PIWIL2: variants seen among roughly 807,000 people sequenced by gnomAD.
The protein encoded by PIWIL2 is piwi-like protein 2.
In PIWIL2, 81 loss-of-function variants were observed where a neutral mutation model predicts 116.5. That is an observed-to-expected ratio of 0.70 (90% CI 0.58 to 0.84). The LOEUF is 0.84. Among genes scored for constraint, PIWIL2 ranks in the 40% least tolerant of loss-of-function variants. PIWIL2 has a pLI of 0.00. For synonymous variants in PIWIL2, 489 were observed against 429.5 expected (o/e 1.14, Z -1.71); for missense variants, 1,272 against 1,212.3 (o/e 1.05, Z -0.73).
At chr8:22,330,645 C>T (rs1313138682) in intron 20 of PIWIL2, among the ~76,000 whole-genome samples, 2 of 150,508 alleles carry the variant, frequency 1.3e-5, no homozygotes, top group Non-Finnish European at 3.0e-5. Flanking sequence ...TGCAGTGAGC[C>T]GAGATCATGC....
At chr8:22,300,161 GC>G (rs911724696) in intron 10 of PIWIL2, among the ~76,000 whole-genome samples, 60 of 151,926 alleles carry the variant, frequency 3.9e-4, no homozygotes, top group Non-Finnish European at 7.4e-4. Flanking sequence ...GAACTCCTGG[GC>G]CCAAGCAGTT....
chr8:22,348,643 T>A (rs1832282369), intron 20 of PIWIL2, among the ~76,000 whole-genome samples: 1 of 152,148 alleles, frequency 6.6e-6, no homozygotes, highest in African/African-American at 2.4e-5. Context: ...TGATGGCACA[T>A]CCCTGTAGTC....
At chr8:22,280,433 A>G (rs996942180) in intron 2 of PIWIL2, among the ~76,000 whole-genome samples, 10 of 152,232 alleles carry the variant, frequency 6.6e-5, no homozygotes, top group Admixed American at 2.0e-4. Flanking sequence ...TAATTAATAT[A>G]TCAAAGAGAG....
chr8:22,308,146 T>C (rs888146826), intron 14 of PIWIL2, 73 bp downstream of exon 14: 4 of 1,280,802 alleles, frequency 3.1e-6, no homozygotes, highest in South Asian at 3.2e-5. Flanking sequence ...ACTTTCCTTT[T>C]GTTGTCAGTA....
chr8:22,312,409 C>T (rs1278667926), intron 16 of PIWIL2, among the ~76,000 whole-genome samples: 4 of 151,984 alleles, frequency 2.6e-5, no homozygotes, highest in Non-Finnish European at 4.4e-5. Context: ...GAACTACAGG[C>T]GTGGGCCATC....
rs775032661 is a variant in PIWIL2, at chr8:22,314,437, G to C, written c.2091+8G>C. 2.6e-6 allele frequency: 4 copies of C among 1,515,006 alleles called. No individual in the cohort carries two copies. Among genetic ancestry groups the C allele is most frequent in the East Asian group, 4.7e-5 (2 of 42,146 alleles). The allele number at this position is 1,515,006 out of a possible 1,614,324, so 93.8% of individuals were successfully genotyped here. On this transcript the variant is annotated splice_region_variant and intron_variant, in intron 17 of 22. Coordinates refer to ENST00000356766, the MANE Select transcript of PIWIL2 (RefSeq NM_018068.5). ...TCCCCAGTGCCCTCCCAGGTGAGTG[G>C]GTGTTGGGGCAGGAGGCGCAGATGG...
chr8:22,285,333 C>T (rs1439238559), intron 6 of PIWIL2, among the ~76,000 whole-genome samples: 2 of 152,190 alleles, frequency 1.3e-5, no homozygotes, highest in Non-Finnish European at 2.9e-5. Flanking sequence ...ATTTGTCTTT[C>T]TGTGCCTATC....
Position 22,279,595 on chromosome 8 carries a change from T to C in PIWIL2, c.198+11T>C. On this transcript the variant is annotated intron_variant, in intron 2 of 22. Coordinates refer to ENST00000356766, the MANE Select transcript of PIWIL2 (RefSeq NM_018068.5). Reference sequence around the variant, plus strand: ...GGGCCAGCACAAAGGGTAAGACCACTTCCGGATGCATAGGAGTGGCATACA... The same window carrying C: ...GGGCCAGCACAAAGGGTAAGACCACCTCCGGATGCATAGGAGTGGCATACA... The C allele has an allele frequency of 6.2e-7, 1 of 1,612,032 alleles. No homozygotes were observed. The highest frequency in any genetic ancestry group is 2.2e-5 in the East Asian group (1 of 44,864).
At chr8:22,285,674 A>G (rs978389319) in intron 6 of PIWIL2, among the ~76,000 whole-genome samples, 1 of 151,794 alleles carries the variant, frequency 6.6e-6, no homozygotes, top group African/African-American at 2.4e-5. Flanking sequence ...CAGGGTCTCA[A>G]TCTGTCACCC....
At chr8:22,311,029 T>G in intron 15 of PIWIL2, 83 bp from the exon 16 acceptor site, 1 of 1,193,136 alleles carries the variant, frequency 8.4e-7, no homozygotes, top group Non-Finnish European at 1.2e-6. Context: ...TGAAAAGTAA[T>G]TTATTCTCTA....
rs1164352126 is a variant in PIWIL2 at position 22,304,088 on chromosome 8, ATTG to A, written c.1252_1254del (p.Val418del). The A allele has an allele frequency of 6.2e-7, 1 of 1,613,234 alleles. No homozygotes were observed. The highest frequency in any genetic ancestry group is 8.5e-7 in the Non-Finnish European group (1 of 1,179,144). ...GTGTACTAAGCTTCTGGTTGGCAAT[ATTG>A]TTATCACCCGATATAACAATCGTAC... On this transcript the variant is annotated inframe_deletion, in exon 11 of 23. Transcript: ENST00000356766.
At position 22,338,135 on chromosome 8, in the gene PIWIL2, A is replaced by G. The variant is rs528461956; in HGVS notation, c.2404-14824A>G. ...GAAGATCTAAATAAAAGGAGAGACA[A>G]CTCATGTTTATGGATTGGAAGACAA... On this transcript the variant is annotated intron_variant, in intron 20 of 22. Coordinates refer to ENST00000356766, the MANE Select transcript of PIWIL2 (RefSeq NM_018068.5). Among the ~76,000 whole-genome samples the G allele has an allele frequency of 3.9e-5, 6 of 152,186 alleles. No individual in the cohort carries two copies. The South Asian group carries it at 1.2e-3, about 32-fold the overall frequency.
intron 20 of PIWIL2, among the ~76,000 whole-genome samples, chr8:22,339,384 T>G (rs2132091990): frequency 6.6e-6 from 1 of 152,166 alleles, no homozygotes; most frequent in South Asian, 2.1e-4. Context: ...GGCCCGCGCC[T>G]GTAATCCCAG....
At chr8:22,316,190 A>C in intron 18 of PIWIL2, 55 bp from the exon 19 acceptor site, 1 of 1,015,408 alleles carries the variant, frequency 9.8e-7, no homozygotes. Context: ...TTAAAAATGG[A>C]GGAATGCATT....
chr8:22,315,439 C>T (rs1831434965), intron 18 of PIWIL2, among the ~76,000 whole-genome samples: 1 of 152,150 alleles, frequency 6.6e-6, no homozygotes, highest in African/African-American at 2.4e-5. Flanking sequence ...GCCTCAGCCT[C>T]CTGAGTAGCT....
chr8:22,305,842 A>G, intron 12 of PIWIL2, 85 bp from the exon 13 acceptor site: 1 of 908,928 alleles, frequency 1.1e-6, no homozygotes, highest in Non-Finnish European at 1.8e-6. Flanking sequence ...CTGCAGGAGC[A>G]GCCCTGGCCA....
chr8:22,304,069 T>G lies in PIWIL2; in HGVS notation c.1230T>G (p.Thr410=). The part of the protein sequence containing the change: ...QNKEHFQDEC[T]KLLVGNIVIT... ...AAGAACACTTCCAGGATGAGTGTAC[T>G]AAGCTTCTGGTTGGCAATATTGTTA... The change falls in exon 11 of 23, where the codon ACT becomes ACG. Residue 410 remains threonine, a synonymous_variant. Coordinates refer to ENST00000356766, the MANE Select transcript of PIWIL2 (RefSeq NM_018068.5). 6.2e-7 allele frequency: 1 copy of G among 1,613,676 alleles called. No individual in the cohort carries two copies. The highest frequency in any genetic ancestry group is 1.6e-4 in the Middle Eastern group (1 of 6,062).
chr8:22,349,838 G>A (rs1055529091), intron 20 of PIWIL2, among the ~76,000 whole-genome samples: 37 of 152,320 alleles, frequency 2.4e-4, no homozygotes, highest in Non-Finnish European at 4.4e-5. Flanking sequence ...AGAAGCAGGG[G>A]CCTGAAAAGG....
chr8:22,283,019 C>T lies in PIWIL2; in HGVS notation c.426-15C>T. 4 of 1,605,604 alleles carry T rather than the reference C, an allele frequency of 2.5e-6. No individual in the cohort carries two copies. Among genetic ancestry groups the T allele is most frequent in the South Asian group, 1.1e-5 (1 of 90,896 alleles). Reference sequence around the variant, plus strand: ...TTATAAAAAACCCTGATTTGCCTCTCTCTCCACATTTCAGGACGCTTGGAA... The same window carrying T: ...TTATAAAAAACCCTGATTTGCCTCTTTCTCCACATTTCAGGACGCTTGGAA... On this transcript the variant is annotated splice_polypyrimidine_tract_variant and intron_variant, in intron 4 of 22. Transcript: ENST00000356766.
Sources: gnomAD v4.1 joint callset for allele counts (sites outside exome capture counted in the v4.1 genomes callset) on GRCh38, gnomAD v4.1.1 for gene constraint, MANE v1.5 for transcripts, NCBI Gene and HGNC (gene_info 2026-07-23, HGNC 2026-07-21) for gene names.